The following MACROD2 variants were observed in gnomAD, a reference collection of about 807,000 sequenced individuals.
MACROD2 encodes ADP-ribose glycohydrolase MACROD2.
MACROD2 carries 36 observed loss-of-function variants against 70.4 expected under a neutral mutation model. That is an observed-to-expected ratio of 0.51 (90% confidence interval 0.39 to 0.68). MACROD2 has a LOEUF of 0.68. MACROD2 is among the 30% of genes least tolerant of loss of function. The pLI is 0.00. For missense variants in MACROD2, 496 were observed against 538.4 expected, an observed-to-expected ratio of 0.92 and a Z score of 0.78; for synonymous variants, 172 against 178.8, an observed-to-expected ratio of 0.96 and a Z score of 0.30.
chr20:15,265,024 A>T (rs960274238), intron 6 of MACROD2, among the ~76,000 whole-genome samples: 1 of 152,200 alleles, frequency 6.6e-6, no homozygotes, highest in Non-Finnish European at 1.5e-5. Flanking sequence ...AATATCACAA[A>T]TGAAAATCAT....
At chr20:14,064,662 A>G (rs1426662417) in intron 2 of MACROD2, among the ~76,000 whole-genome samples, 1 of 152,142 alleles carries the variant, frequency 6.6e-6, no homozygotes, top group Non-Finnish European at 1.5e-5. Context: ...TTATTTTAAG[A>G]GCTTCCTCAG....
rs191495390 is a variant in MACROD2, at chr20:15,339,087, A to G, written c.541-92318A>G. Among the ~76,000 whole-genome samples, 4 of 151,892 alleles carry G rather than the reference A, an allele frequency of 2.6e-5. No individual in the cohort carries two copies. The East Asian group carries it at 7.7e-4, about 29-fold the overall frequency. Reference sequence around the variant, plus strand: ...ATAAGTAGAAATAAATTTTGAGTTAAAGAATATTCACCGTGATTAGAAGCT... The same window carrying G: ...ATAAGTAGAAATAAATTTTGAGTTAGAGAATATTCACCGTGATTAGAAGCT... On this transcript the variant is annotated intron_variant, in intron 6 of 17. Transcript: ENST00000684519.
At chr20:15,102,880 A>G (rs535194860) in intron 5 of MACROD2, among the ~76,000 whole-genome samples, 1 of 152,244 alleles carries the variant, frequency 6.6e-6, no homozygotes, top group South Asian at 2.1e-4. Flanking sequence ...AGTCCCATGT[A>G]TTCATAGAAA....
At chr20:14,360,811 A>G (rs2083213864) in intron 3 of MACROD2, among the ~76,000 whole-genome samples, 1 of 152,204 alleles carries the variant, frequency 6.6e-6, no homozygotes, top group African/African-American at 2.4e-5. Context: ...CATTTTATTT[A>G]ATGATACAGG....
chr20:14,489,811 A>T (rs1683097658), intron 3 of MACROD2, among the ~76,000 whole-genome samples: 2 of 152,028 alleles, frequency 1.3e-5, no homozygotes, highest in African/African-American at 2.4e-5. Context: ...ATTACTGTGG[A>T]GATAATAAAA....
rs564614729 is a variant in MACROD2, at chr20:15,105,988, AAC to A, written c.419-123948_419-123947del. On this transcript the variant is annotated intron_variant, in intron 5 of 17. Transcript: ENST00000684519. ...ATCACAAAAAAGTTGTGTGATGCAT[AAC>A]ACATAACATGAGGTGATGAATGTGT... Among the ~76,000 whole-genome samples, 360 of 152,342 alleles carry A rather than the reference AAC, an allele frequency of 2.4e-3. 1 individual carries two copies. The highest frequency in any genetic ancestry group is 4.3e-3 in the Non-Finnish European group (293 of 68,018).
At chr20:14,980,338 C>T (rs777520976) in intron 5 of MACROD2, among the ~76,000 whole-genome samples, 9 of 152,040 alleles carry the variant, frequency 5.9e-5, no homozygotes, top group Non-Finnish European at 1.3e-4. Flanking sequence ...AGCTCAGCCC[C>T]CTCCCCACAT....
At chr20:15,824,241 C>T (rs763668051) in intron 8 of MACROD2, among the ~76,000 whole-genome samples, 26 of 146,930 alleles carry the variant, frequency 1.8e-4, no homozygotes, top group Non-Finnish European at 3.8e-4. Context: ...TCTTAAGTGT[C>T]TCTCTCTCTC....
At chr20:15,777,792 G>A (rs145038959) in intron 8 of MACROD2, among the ~76,000 whole-genome samples, 4,206 of 152,102 alleles carry the variant, frequency 0.028, 210 homozygotes, top group African/African-American at 0.096. Flanking sequence ...TTACAGGCAT[G>A]AGCCATCACA....
chr20:14,712,249 A>G (rs1972540197), intron 5 of MACROD2, among the ~76,000 whole-genome samples: 1 of 152,286 alleles, frequency 6.6e-6, no homozygotes, highest in East Asian at 1.9e-4. Flanking sequence ...AGAAAAATTT[A>G]TAGCTGACTG....
chr20:14,438,731 G>C (rs1266910894), intron 3 of MACROD2, among the ~76,000 whole-genome samples: 1 of 152,102 alleles, frequency 6.6e-6, no homozygotes, highest in Non-Finnish European at 1.5e-5. Flanking sequence ...GCATATTCAA[G>C]TTCTTCGCCC....
At chr20:14,073,944 G>T (rs2053883451) in intron 2 of MACROD2, among the ~76,000 whole-genome samples, 1 of 152,104 alleles carries the variant, frequency 6.6e-6, no homozygotes, top group Non-Finnish European at 1.5e-5. Flanking sequence ...CCCTGTCCTT[G>T]TCAGACCTTC....
At chr20:15,427,219 T>C (rs1343406029) in intron 6 of MACROD2, among the ~76,000 whole-genome samples, 1 of 152,220 alleles carries the variant, frequency 6.6e-6, no homozygotes, top group Non-Finnish European at 1.5e-5. Flanking sequence ...TACCATTTGC[T>C]CCCACATTCA....
chr20:15,867,298 A>G (rs546963858), intron 9 of MACROD2, among the ~76,000 whole-genome samples: 44 of 152,322 alleles, frequency 2.9e-4, no homozygotes, highest in African/African-American at 1.0e-3. Context: ...ACAGGGCACA[A>G]TTAAGCCCAT....
chr20:15,941,494 GA>G (rs11362358), intron 12 of MACROD2, among the ~76,000 whole-genome samples: 103,251 of 151,320 alleles, frequency 0.68, 35,661 homozygotes, highest in Non-Finnish European at 0.75. Context: ...ACCTAGCTTA[GA>G]AAAAAAAAAT....
chr20:14,798,359 C>T (rs966377523), intron 5 of MACROD2, among the ~76,000 whole-genome samples: 1 of 151,978 alleles, frequency 6.6e-6, no homozygotes, highest in African/African-American at 2.4e-5. Flanking sequence ...TCTATAATTT[C>T]TCAACATGGA....
At chr20:15,089,557 C>T (rs6079656) in intron 5 of MACROD2, among the ~76,000 whole-genome samples, 53,152 of 151,854 alleles carry the variant, frequency 0.35, 9,683 homozygotes, top group East Asian at 0.44. Context: ...TATAATCTCT[C>T]ACGTATAGCA....
intron 7 of MACROD2, among the ~76,000 whole-genome samples, chr20:15,444,967 G>A (rs1175765012): frequency 7.0e-6 from 1 of 143,772 alleles, no homozygotes; most frequent in East Asian, 2.0e-4. Context: ...ATTTTTAATA[G>A]TAACATTATT....
intron 8 of MACROD2, among the ~76,000 whole-genome samples, chr20:15,672,142 G>A (rs1443201528): frequency 6.6e-6 from 1 of 152,088 alleles, no homozygotes; most frequent in East Asian, 1.9e-4. Context: ...TTTGGGTCTG[G>A]AGTAGATTTT....
Sources: allele counts gnomAD v4.1 joint callset (sites outside exome capture counted in the v4.1 genomes callset), GRCh38; gene constraint gnomAD v4.1.1; transcripts MANE v1.5; gene names NCBI Gene and HGNC (gene_info 2026-07-23, HGNC 2026-07-21).